The following RGS6 variants were observed in gnomAD, a reference collection of about 807,000 sequenced individuals.
RGS6 encodes the protein regulator of G protein signaling 6, also known as regulator of G-protein signaling 6.
Under a neutral mutation model 78.5 loss-of-function variants are expected in RGS6, and 30 were observed. That is an observed-to-expected ratio of 0.38 (90% CI 0.29 to 0.52). The LOEUF (loss-of-function observed/expected upper bound fraction) is 0.52. Among genes scored for constraint, RGS6 ranks in the 20% least tolerant of loss-of-function variants. The probability of loss-of-function intolerance (pLI) is 0.85; values close to 1 mark genes in which losing one functional copy is unlikely to be tolerated. For missense variants in RGS6, 495 were observed against 609.7 expected (o/e 0.81, Z 1.98); for synonymous variants, 206 against 206.0 (o/e 1.00, Z 0.00).
At chr14:72,341,151 C>T (rs1274094904) in intron 2 of RGS6, among the ~76,000 whole-genome samples, 1 of 151,240 alleles carries the variant, frequency 6.6e-6, no homozygotes, top group Non-Finnish European at 1.5e-5. Context: ...GTTCCACAGG[C>T]CGTACAGGAA....
intron 2 of RGS6, among the ~76,000 whole-genome samples, chr14:72,090,318 G>A (rs1034528931): frequency 1.3e-5 from 2 of 152,088 alleles, no homozygotes; most frequent in Non-Finnish European, 2.9e-5. Context: ...GTTAGAAGCC[G>A]AGTGGCACAG....
chr14:72,478,471 G>A (rs1368473101), intron 12 of RGS6, 142 bp downstream of exon 12: 1 of 639,292 alleles, frequency 1.6e-6, no homozygotes, highest in Non-Finnish European at 2.8e-6. Flanking sequence ...AAAACCCACA[G>A]GCTCCATGTG....
intron 2 of RGS6, among the ~76,000 whole-genome samples, chr14:71,973,827 A>G (rs2093954793): frequency 6.6e-6 from 1 of 152,116 alleles, no homozygotes; most frequent in Admixed American, 6.5e-5. Flanking sequence ...CCAGGATTAG[A>G]CTTGCTGGAA....
intron 15 of RGS6, among the ~76,000 whole-genome samples, chr14:72,522,991 T>C (rs191833336): frequency 1.2e-3 from 183 of 152,334 alleles, no homozygotes; most frequent in African/African-American, 4.3e-3. Flanking sequence ...TACATGAGGA[T>C]TGAGTGTTGC....
intron 11 of RGS6, 139 bp from the exon 12 acceptor site, chr14:72,478,129 G>T (rs774076930): frequency 3.1e-6 from 2 of 642,182 alleles, no homozygotes; most frequent in Non-Finnish European, 5.7e-6. Flanking sequence ...TTGCTGGAGG[G>T]CAGAGCTGAG....
At chr14:72,026,619 G>A (rs900237673) in intron 2 of RGS6, among the ~76,000 whole-genome samples, 4 of 152,174 alleles carry the variant, frequency 2.6e-5, no homozygotes, top group Admixed American at 6.5e-5. Flanking sequence ...GAGCACCCAC[G>A]TGCTGTCAAC....
chr14:72,626,734 G>A, the RGS6 span, among the ~76,000 whole-genome samples: 1 of 152,056 alleles, frequency 6.6e-6, no homozygotes, highest in East Asian at 1.9e-4. Context: ...GTGCATATTA[G>A]CTCTGTTAGG....
intron 3 of RGS6, among the ~76,000 whole-genome samples, chr14:72,362,923 C>T (rs970391173): frequency 4.6e-5 from 7 of 152,198 alleles, no homozygotes; most frequent in African/African-American, 1.2e-4. Flanking sequence ...CAGGAAAAGT[C>T]ATTCCACGTA....
chr14:72,057,554 C>G (rs756806551), intron 2 of RGS6, among the ~76,000 whole-genome samples: 1 of 152,006 alleles, frequency 6.6e-6, no homozygotes, highest in African/African-American at 2.4e-5. Context: ...TCTGTTAATG[C>G]GTTTCCCATG....
At chr14:71,890,695 C>A in the RGS6 span, among the ~76,000 whole-genome samples, 2 of 152,152 alleles carry the variant, frequency 1.3e-5, no homozygotes, top group Admixed American at 6.5e-5. Flanking sequence ...TAGTAACTTA[C>A]CCTTCTTGAA....
Position 72,162,321 on chromosome 14 carries a change from C to T in RGS6, c.85-189774C>T, listed in dbSNP as rs145484344. Reference sequence around the variant, plus strand: ...TCTTGGAGTGTGAAAAGAGTGGACCCTGACCCACCTCTATTCCCTGCTGGG... The same window carrying T: ...TCTTGGAGTGTGAAAAGAGTGGACCTTGACCCACCTCTATTCCCTGCTGGG... On this transcript the variant is annotated intron_variant, in intron 2 of 17. Transcript: ENST00000553525. Among the ~76,000 whole-genome samples, 334 of 152,264 alleles carry T rather than the reference C, an allele frequency of 2.2e-3. 3 individuals are homozygous for T. Among genetic ancestry groups the T allele is most frequent in the African/African-American group, 7.6e-3 (316 of 41,544 alleles).
At chr14:72,067,552 A>G (rs1004638962) in intron 2 of RGS6, among the ~76,000 whole-genome samples, 1 of 143,032 alleles carries the variant, frequency 7.0e-6, no homozygotes, top group African/African-American at 2.5e-5. Context: ...GGCACTTTTT[A>G]ATCACACACA....
At chr14:71,874,183 T>G in the RGS6 span, among the ~76,000 whole-genome samples, 1,904 of 152,180 alleles carry the variant, frequency 0.013, 24 homozygotes, top group Middle Eastern at 0.024. Context: ...GTGAAGAAAG[T>G]CATTGGTAGC....
intron 3 of RGS6, among the ~76,000 whole-genome samples, chr14:72,360,779 T>C (rs2081291000): frequency 6.6e-6 from 1 of 152,156 alleles, no homozygotes; most frequent in Non-Finnish European, 1.5e-5. Flanking sequence ...TTGTGACTGA[T>C]ATGGTTTGGC....
intron 2 of RGS6, among the ~76,000 whole-genome samples, chr14:71,966,501 G>A (rs2093523819): frequency 6.6e-6 from 1 of 152,166 alleles, no homozygotes; most frequent in African/African-American, 2.4e-5. Context: ...CCCCCAAACT[G>A]GGAGACCCCG....
rs189882102 is a variant in RGS6 at position 72,539,805 on chromosome 14, C to G, written c.1369-236C>G. On this transcript the variant is annotated intron_variant, in intron 16 of 17. Coordinates refer to ENST00000553525, the MANE Select transcript of RGS6 (RefSeq NM_001204424.2). ...ATGGCCCCCGGAGAAGCAAAGCCCCCCTCTCTGCTCCCTGCTCCAAGGAGG... is the reference window on the plus strand; with the variant it reads ...ATGGCCCCCGGAGAAGCAAAGCCCCGCTCTCTGCTCCCTGCTCCAAGGAGG... Among the ~76,000 whole-genome samples the G allele has an allele frequency of 3.7e-3, 567 of 152,330 alleles. 4 individuals are homozygous for G. Among genetic ancestry groups the G allele is most frequent in the African/African-American group, 0.013 (537 of 41,574 alleles).
At chr14:72,060,886 T>C (rs573157796) in intron 2 of RGS6, among the ~76,000 whole-genome samples, 42 of 152,304 alleles carry the variant, frequency 2.8e-4, no homozygotes, top group African/African-American at 9.9e-4. Flanking sequence ...GATTTTTGGG[T>C]CTATCCATTG....
At chr14:72,550,417 C>G (rs2097487753) in intron 17 of RGS6, 2 of 1,509,124 alleles carry the variant, frequency 1.3e-6, no homozygotes, top group East Asian at 2.5e-5. Context: ...TTTGTTTGCA[C>G]TAAGCACCAA....
intron 17 of RGS6, among the ~76,000 whole-genome samples, chr14:72,558,163 G>A (rs890241417): frequency 1.3e-5 from 2 of 152,122 alleles, no homozygotes; most frequent in South Asian, 2.1e-4. Context: ...AGGGGCAACC[G>A]TGGTTGATTT....
Sources: gnomAD v4.1 joint callset for allele counts (sites outside exome capture counted in the v4.1 genomes callset) on GRCh38, gnomAD v4.1.1 for gene constraint, MANE v1.5 for transcripts, NCBI Gene and HGNC (gene_info 2026-07-23, HGNC 2026-07-21) for gene names.